CADPS: variants seen among roughly 807,000 people sequenced by gnomAD.
CADPS encodes the protein calcium dependent secretion activator, also known as calcium-dependent secretion activator 1.
Under a neutral mutation model 167.3 loss-of-function variants are expected in CADPS, and 57 were observed. That is an observed-to-expected ratio of 0.34 (90% CI 0.28 to 0.42). The LOEUF is 0.42. CADPS is among the 20% of genes least tolerant of loss of function. CADPS has a pLI of 1.00. For synonymous variants in CADPS, 676 were observed against 635.3 expected (o/e 1.06, Z -0.96); for missense variants, 1,414 against 1,738.1 (o/e 0.81, Z 3.32).
intron 3 of CADPS, among the ~76,000 whole-genome samples, chr3:62,674,479 A>C (rs2076041417): frequency 6.6e-6 from 1 of 152,166 alleles, no homozygotes; most frequent in Admixed American, 6.6e-5. Flanking sequence ...AAAGTCAAAA[A>C]TATTTTAAAA....
At chr3:62,437,841 G>C (rs933554782) in intron 28 of CADPS, among the ~76,000 whole-genome samples, 1 of 152,098 alleles carries the variant, frequency 6.6e-6, no homozygotes, top group Non-Finnish European at 1.5e-5. Flanking sequence ...TGCAAGCTTC[G>C]TGCAGGAATG....
rs554197608 is a variant in CADPS at position 62,855,091 on chromosome 3, A to ATTTTTTTTTTTTTTTTTTTTTTTTTTT, written c.441+19497_441+19498insAAAAAAAAAAAAAAAAAAAAAAAAAAA. Among the ~76,000 whole-genome samples the ATTTTTTTTTTTTTTTTTTTTTTTTTTT allele has an allele frequency of 1.4e-4, 13 of 92,702 alleles. 1 individual carries two copies. Among genetic ancestry groups the ATTTTTTTTTTTTTTTTTTTTTTTTTTT allele is most frequent in the East Asian group, 3.2e-4 (1 of 3,168 alleles). 60.8% of individuals were successfully genotyped at this position (92,702 alleles called of 152,430 possible). A position where few individuals can be genotyped will look rare whatever the true frequency, so the allele number is the denominator to read the frequency against. Reference sequence around the variant, plus strand: ...AGGCACGTGCCATCATGCCCGGCTAATTTTTTTTTTTTTTTTTTGTCTTTT... The same window carrying ATTTTTTTTTTTTTTTTTTTTTTTTTTT: ...AGGCACGTGCCATCATGCCCGGCTAATTTTTTTTTTTTTTTTTTTTTTTTTTTTTTTTTTTTTTTTTTTTTGTCTTTT... On this transcript the variant is annotated intron_variant, in intron 1 of 29. Coordinates refer to ENST00000383710, the MANE Select transcript of CADPS (RefSeq NM_003716.4).
chr3:62,794,905 G>A (rs1329128406), intron 1 of CADPS, among the ~76,000 whole-genome samples: 2 of 151,654 alleles, frequency 1.3e-5, no homozygotes, highest in African/African-American at 4.9e-5. Flanking sequence ...TTTGGAGAAT[G>A]TGGATGCCAG....
Position 62,544,031 on chromosome 3 carries a change from C to T in CADPS, c.1966+5872G>A, listed in dbSNP as rs147049308. Among the ~76,000 whole-genome samples the T allele has an allele frequency of 8.5e-5, 13 of 152,054 alleles. No homozygotes were observed. Among genetic ancestry groups the T allele is most frequent in the Admixed American group, 8.5e-4 (13 of 15,266 alleles). ...TGTTCTTGGGGGAGTAGCAGAATGA[C>T]ATTTGATACCAGAGGTTAAATGTCA... On this transcript the variant is annotated intron_variant, in intron 11 of 29. Transcript: ENST00000383710. The surrounding 1 kb of genome is among the most constrained non-coding windows in gnomAD (Gnocchi z 4.4).
intron 17 of CADPS, among the ~76,000 whole-genome samples, chr3:62,512,301 G>A (rs1033133793): frequency 1.3e-5 from 2 of 151,982 alleles, no homozygotes; most frequent in South Asian, 4.1e-4. Flanking sequence ...TTTATCATGC[G>A]ATACATACAA....
In CADPS at chr3:62,735,918, C is replaced by T. The variant is rs189425697; in HGVS notation, c.888+17523G>A. Among the ~76,000 whole-genome samples the T allele has an allele frequency of 9.2e-4, 140 of 152,210 alleles. 1 individual carries two copies. Among genetic ancestry groups the T allele is most frequent in the Non-Finnish European group, 1.5e-3 (104 of 68,018 alleles). ...TACATCACAGAAGAATAAAGCTCTC[C>T]GGGTCTCTTAGGTTATAGCAGTTTA... On this transcript the variant is annotated intron_variant, in intron 3 of 29. Transcript: ENST00000383710.
intron 19 of CADPS, 123 bp from the exon 20 acceptor site, chr3:62,492,569 T>G: frequency 2.1e-6 from 2 of 973,014 alleles, no homozygotes; most frequent in Non-Finnish European, 3.1e-6. Flanking sequence ...TTTGGTAATT[T>G]TATTGTAAAG....
At chr3:62,768,960 G>T (rs2087723762) in intron 1 of CADPS, among the ~76,000 whole-genome samples, 1 of 152,022 alleles carries the variant, frequency 6.6e-6, no homozygotes. Context: ...CTTATGTCTG[G>T]GTTTTGCCAC....
chr3:62,824,943 A>G (rs2073763601), intron 1 of CADPS, among the ~76,000 whole-genome samples: 1 of 152,176 alleles, frequency 6.6e-6, no homozygotes, highest in South Asian at 2.1e-4. Flanking sequence ...TCAGAGATGA[A>G]GTCAGCTTTA....
At chr3:62,858,812 A>G (rs534337998) in intron 1 of CADPS, among the ~76,000 whole-genome samples, 1 of 152,254 alleles carries the variant, frequency 6.6e-6, no homozygotes, top group East Asian at 1.9e-4. Context: ...TCATATCACT[A>G]TTTTCCTTAA....
intron 10 of CADPS, among the ~76,000 whole-genome samples, chr3:62,554,963 G>C (rs1410614462): frequency 6.6e-6 from 1 of 152,120 alleles, no homozygotes; most frequent in Non-Finnish European, 1.5e-5. Context: ...ATGTTGGCCA[G>C]GCTGGTCTCG....
At chr3:62,414,346 C>T (rs867227764) in intron 28 of CADPS, among the ~76,000 whole-genome samples, 3 of 152,216 alleles carry the variant, frequency 2.0e-5, no homozygotes, top group Non-Finnish European at 4.4e-5. Flanking sequence ...CCCACCACAA[C>T]AGACTTATTA....
At chr3:62,776,042 T>C (rs1397000096) in intron 1 of CADPS, among the ~76,000 whole-genome samples, 3 of 152,044 alleles carry the variant, frequency 2.0e-5, no homozygotes, top group Non-Finnish European at 4.4e-5. Context: ...GTTAACATAG[T>C]GAGAAAAAAG....
intron 4 of CADPS, among the ~76,000 whole-genome samples, chr3:62,656,039 G>A (rs1432367618): frequency 6.6e-6 from 1 of 152,180 alleles, no homozygotes; most frequent in African/African-American, 2.4e-5. Context: ...AGCTTTGTAA[G>A]TTTGGACAGA....
At chr3:62,419,972 G>A (rs148834376) in intron 28 of CADPS, among the ~76,000 whole-genome samples, 79 of 152,246 alleles carry the variant, frequency 5.2e-4, no homozygotes, top group Middle Eastern at 6.8e-3. Context: ...CAAAGTTGAA[G>A]TTCTTACTTA....
At chr3:62,725,292 T>C (rs998384111) in intron 3 of CADPS, among the ~76,000 whole-genome samples, 2 of 152,246 alleles carry the variant, frequency 1.3e-5, no homozygotes, top group African/African-American at 2.4e-5. Context: ...GAGGAATTAC[T>C]TTCTATTTTG....
intron 3 of CADPS, among the ~76,000 whole-genome samples, chr3:62,686,646 C>T (rs535631187): frequency 3.3e-5 from 5 of 151,986 alleles, no homozygotes; most frequent in Non-Finnish European, 7.4e-5. Flanking sequence ...AAGGGTGTGT[C>T]ATTCCCATTC....
At chr3:62,664,269 G>C (rs534242146) in intron 3 of CADPS, among the ~76,000 whole-genome samples, 34 of 152,352 alleles carry the variant, frequency 2.2e-4, no homozygotes, top group Admixed American at 2.1e-3. Context: ...GCCTCCCAAA[G>C]TACTAGGATT....
chr3:62,831,419 T>C (rs753409754), intron 1 of CADPS, among the ~76,000 whole-genome samples: 3 of 152,132 alleles, frequency 2.0e-5, no homozygotes, highest in Non-Finnish European at 2.9e-5. Context: ...ACAGTTCCAT[T>C]GTCACAGTCA....
Sources: allele counts gnomAD v4.1 joint callset (sites outside exome capture counted in the v4.1 genomes callset), GRCh38; gene constraint gnomAD v4.1.1; non-coding constraint Gnocchi (gnomAD v3.1); transcripts MANE v1.5; gene names NCBI Gene and HGNC (gene_info 2026-07-23, HGNC 2026-07-21).